The following SLC24A4 variants were observed in gnomAD, a reference collection of about 807,000 sequenced individuals.
SLC24A4 encodes sodium/potassium/calcium exchanger 4.
SLC24A4 carries 53 observed loss-of-function variants against 79.0 expected under a neutral mutation model. The ratio of observed to expected loss-of-function variants is 0.67; its 90% CI spans 0.54 to 0.84. The LOEUF (loss-of-function observed/expected upper bound fraction) is 0.84. Ranked by LOEUF, SLC24A4 falls within the 40% of genes least tolerant of loss-of-function variation. The pLI, the probability that SLC24A4 is intolerant of heterozygous loss-of-function variation, is 0.00. For missense variants in SLC24A4, 731 were observed against 822.0 expected (o/e 0.89, Z 1.35); for synonymous variants, 323 against 323.8 (o/e 1.00, Z 0.03).
chr14:92,359,224 T>C (rs1412962775), intron 2 of SLC24A4, among the ~76,000 whole-genome samples: 1 of 152,102 alleles, frequency 6.6e-6, no homozygotes, highest in African/African-American at 2.4e-5. Context: ...CCTGTTTTCC[T>C]CTCCCCCAAC....
intron 2 of SLC24A4, among the ~76,000 whole-genome samples, chr14:92,372,867 CCCTT>C (rs1276150058): frequency 0.029 from 3,224 of 109,882 alleles, 94 homozygotes; most frequent in East Asian, 0.06. Flanking sequence ...GGGTCACTGT[CCCTT>C]CCTTCCTTCC....
At chr14:92,492,959 AACAC>A (rs551206469) in intron 16 of SLC24A4, 13,539 of 298,096 alleles carry the variant, frequency 0.045, 610 homozygotes, top group African/African-American at 0.068. Flanking sequence ...CTCTACCCCA[AACAC>A]ACACACACAC....
In SLC24A4 at chr14:92,494,003, T is replaced by C. The variant is rs1895840256; in HGVS notation, c.*375T>C. 1 of 201,054 alleles carries C rather than the reference T, an allele frequency of 5.0e-6. No homozygotes were observed. The highest frequency in any genetic ancestry group is 2.3e-5 in the African/African-American group (1 of 43,184). 12.5% of individuals were successfully genotyped at this position (201,054 alleles called of 1,614,324 possible). A position where few individuals can be genotyped will look rare whatever the true frequency, so the allele number is the denominator to read the frequency against. ...GCAGCTTCAGAATTGAGGTCATTTG[T>C]GAGCACAAGATCTCATAGGGCAGGT... is the stretch of plus-strand genomic sequence containing the variant. On this transcript the variant is annotated 3_prime_UTR_variant, in exon 17 of 17. Transcript: ENST00000532405. The surrounding 1 kb of genome is among the most constrained non-coding windows in gnomAD (Gnocchi z 4.6).
chr14:92,377,336 T>C (rs1884678), intron 2 of SLC24A4, among the ~76,000 whole-genome samples: 63,896 of 152,176 alleles, frequency 0.42, 13,939 homozygotes, highest in East Asian at 0.69. Context: ...CCGTGTGGCA[T>C]GGTCCTTGTT....
chr14:92,346,842 T>C (rs1886561689), intron 2 of SLC24A4, among the ~76,000 whole-genome samples: 1 of 152,142 alleles, frequency 6.6e-6, no homozygotes, highest in African/African-American at 2.4e-5. Flanking sequence ...ATCAAATGTG[T>C]GGCCATGCTT....
chr14:92,368,070 A>C (rs753749014), intron 2 of SLC24A4, among the ~76,000 whole-genome samples: 44 of 152,264 alleles, frequency 2.9e-4, no homozygotes, highest in Non-Finnish European at 5.9e-4. Flanking sequence ...TACGGGAAGC[A>C]GACATATCTT....
At chr14:92,376,238 T>TAGATTTGAGGTA (rs1180073473) in intron 2 of SLC24A4, among the ~76,000 whole-genome samples, 51 of 152,298 alleles carry the variant, frequency 3.3e-4, no homozygotes, top group African/African-American at 1.2e-3. Flanking sequence ...CAAATGGAGC[T>TAGATTTGAGGTA]GCCGATAGAA....
intron 2 of SLC24A4, among the ~76,000 whole-genome samples, chr14:92,383,423 T>C (rs1392830463): frequency 6.6e-6 from 1 of 152,034 alleles, no homozygotes; most frequent in Non-Finnish European, 1.5e-5. Context: ...TTGCATGTGC[T>C]GCGCCCCTGC....
chr14:92,484,759 C>G, intron 13 of SLC24A4: 1 of 985,430 alleles, frequency 1.0e-6, no homozygotes, highest in African/African-American at 1.7e-5. Flanking sequence ...ACACCCTACT[C>G]CCAGCCCAAA....
At chr14:92,373,860 T>G (rs1170865917) in intron 2 of SLC24A4, among the ~76,000 whole-genome samples, 1 of 152,236 alleles carries the variant, frequency 6.6e-6, no homozygotes, top group Non-Finnish European at 1.5e-5. Flanking sequence ...CCCCACAGTC[T>G]AGCAATCACC....
chr14:92,416,079 A>G, intron 2 of SLC24A4, among the ~76,000 whole-genome samples: 1 of 151,820 alleles, frequency 6.6e-6, no homozygotes, highest in African/African-American at 2.4e-5. Context: ...AGACATCCCC[A>G]CCACCCATTC....
At chr14:92,397,392 T>C in intron 2 of SLC24A4, among the ~76,000 whole-genome samples, 1 of 152,200 alleles carries the variant, frequency 6.6e-6, no homozygotes, top group East Asian at 1.9e-4. Context: ...CCTTGAGTTA[T>C]TTGGGTTTAT....
At chr14:92,445,376 TTTTG>T in intron 8 of SLC24A4, 34 bp downstream of exon 8, 1 of 1,610,486 alleles carries the variant, frequency 6.2e-7, no homozygotes. Flanking sequence ...CATTGTTCTT[TTTTG>T]TTGTTGTTTC....
At position 92,323,787 on chromosome 14, in the gene SLC24A4, A is replaced by C; in HGVS notation, c.-44A>C. The C allele has an allele frequency of 6.5e-7, 1 of 1,530,338 alleles. No individual in the cohort carries two copies. The highest frequency in any genetic ancestry group is 8.7e-7 in the Non-Finnish European group (1 of 1,144,096). The allele number at this position is 1,530,338 out of a possible 1,614,324, so 94.8% of individuals were successfully genotyped here. A position where few individuals can be genotyped will look rare whatever the true frequency, so the allele number is the denominator to read the frequency against. On this transcript the variant is annotated 5_prime_UTR_variant, in exon 1 of 17. Coordinates refer to ENST00000532405, the MANE Select transcript of SLC24A4 (RefSeq NM_153646.4). The surrounding 1 kb of genome is among the most constrained non-coding windows in gnomAD (Gnocchi z 4.9). ...GCCACTGATTGCACTCTGGCCGCTG[A>C]AGCTCCCCATCCTCTCCCAGAGACG...
chr14:92,482,992 G>T, intron 13 of SLC24A4, 146 bp downstream of exon 13: 1 of 748,114 alleles, frequency 1.3e-6, no homozygotes, highest in Non-Finnish European at 2.0e-6. Context: ...AGTAGAAAAG[G>T]GTTTGAATGA....
chr14:92,422,264 C>T (rs1891328703), intron 2 of SLC24A4, among the ~76,000 whole-genome samples: 1 of 152,226 alleles, frequency 6.6e-6, no homozygotes, highest in Non-Finnish European at 1.5e-5. Context: ...TATTCCTGGG[C>T]CGTCAGTGGC....
At chr14:92,429,062 C>T (rs1013760890) in intron 2 of SLC24A4, among the ~76,000 whole-genome samples, 1 of 152,042 alleles carries the variant, frequency 6.6e-6, no homozygotes, top group African/African-American at 2.4e-5. Flanking sequence ...ACCTAAGTGT[C>T]GAGAGGCTGT....
intron 12 of SLC24A4, among the ~76,000 whole-genome samples, chr14:92,461,580 T>C (rs1015607065): frequency 1.3e-5 from 2 of 152,172 alleles, no homozygotes; most frequent in African/African-American, 2.4e-5. Flanking sequence ...GAGAGAGATC[T>C]TTCTCTTCCT....
chr14:92,380,082 C>A (rs985513208), intron 2 of SLC24A4, among the ~76,000 whole-genome samples: 1 of 152,194 alleles, frequency 6.6e-6, no homozygotes, highest in Non-Finnish European at 1.5e-5. Context: ...GCCTGCTGCA[C>A]CTGGCATAGG....
Sources: allele counts gnomAD v4.1 joint callset (sites outside exome capture counted in the v4.1 genomes callset), GRCh38; gene constraint gnomAD v4.1.1; non-coding constraint Gnocchi (gnomAD v3.1); transcripts MANE v1.5; gene names NCBI Gene and HGNC (gene_info 2026-07-23, HGNC 2026-07-21).